Variants in NAA30 observed in about 807,000 individuals in gnomAD.
NAA30 encodes the protein N-alpha-acetyltransferase 30, NatC catalytic subunit.
Under a neutral mutation model 31.4 loss-of-function variants are expected in NAA30, and 5 were observed. The ratio of observed to expected loss-of-function variants is 0.16; its 90% CI spans 0.08 to 0.33. NAA30 has a LOEUF of 0.33. Ranked by LOEUF, NAA30 falls within the 10% of genes least tolerant of loss-of-function variation. NAA30 has a pLI of 1.00. For synonymous variants in NAA30, 222 were observed against 207.1 expected, an observed-to-expected ratio of 1.07 and a Z score of -0.62; for missense variants, 428 against 490.8, an observed-to-expected ratio of 0.87 and a Z score of 1.21.
chr14:57,391,214 G>GATT lies in NAA30; in HGVS notation c.258_260dup (p.Leu87dup). 6.2e-7 allele frequency: 1 copy of GATT among 1,612,102 alleles called. No homozygotes were observed. Among genetic ancestry groups the GATT allele is most frequent in the Non-Finnish European group, 8.5e-7 (1 of 1,179,872 alleles). ...CCGCAGGAGCAGCAGCAGCTCAACG[G>GATT]ATTGATTAGCCCCGAACTGCGGCAC... is the stretch of plus-strand genomic sequence containing the variant. On this transcript the variant is annotated inframe_insertion, in exon 2 of 5. Transcript: ENST00000556492. The surrounding 1 kb of genome is among the most constrained non-coding windows in gnomAD (Gnocchi z 4.1).
rs2139756924 is a variant in NAA30 at position 57,391,814 on chromosome 14, G to A, written c.771+86G>A. The A allele has an allele frequency of 8.1e-6, 8 of 986,062 alleles. No homozygotes were observed. Among genetic ancestry groups the A allele is most frequent in the Non-Finnish European group, 1.1e-5 (7 of 655,432 alleles). The allele number at this position is 986,062 out of a possible 1,614,324, so 61.1% of individuals were successfully genotyped here. On this transcript the variant is annotated intron_variant, in intron 2 of 4. Coordinates refer to ENST00000556492, the MANE Select transcript of NAA30 (RefSeq NM_001011713.3). This position sits in a 1 kb window ranked among gnomAD's most constrained non-coding sequence, Gnocchi z 4.1. ...GAGTGAGGGCCCAGAATGTGGCAGT[G>A]GATATCTCCTGCTGCGTATCATAGT... is the stretch of plus-strand genomic sequence containing the variant.
At position 57,391,181 on chromosome 14, in the gene NAA30, C is replaced by T; in HGVS notation, c.224C>T (p.Pro75Leu). ...AAGGGGCATCCGTGCCTCCGCTGCC[C>T]TCAGCCGCCGCAGGAGCAGCAGCAG... ...AAKGHPCLRC[P>L]QPPQEQQQLN... Residue 75 changes from proline to leucine, a missense_variant, in exon 2 of 5, where the codon CCT becomes CTT. Pro to Leu is a moderately conservative substitution (Grantham distance 98, BLOSUM62 -3). Around this residue, in one of 2 missense-constraint regions of NAA30, gnomAD observed 349 missense variants for 310.4 expected, o/e 1.12. Coordinates refer to ENST00000556492, the MANE Select transcript of NAA30 (RefSeq NM_001011713.3). This position sits in a 1 kb window ranked among gnomAD's most constrained non-coding sequence, Gnocchi z 4.1. 1 of 1,610,360 alleles carries T rather than the reference C, an allele frequency of 6.2e-7. No homozygotes were observed. Among genetic ancestry groups the T allele is most frequent in the Non-Finnish European group, 8.5e-7 (1 of 1,179,532 alleles).
At position 57,391,300 on chromosome 14, in the gene NAA30, A is replaced by G. The variant is rs780220592; in HGVS notation, c.343A>G (p.Thr115Ala). 6 of 1,610,724 alleles carry G rather than the reference A, an allele frequency of 3.7e-6. No homozygotes were observed. The South Asian group carries it at 5.5e-5, about 15-fold the overall frequency. ...VLSVAEVAAT[T>A]ATPDGGPRAT... The stretch of plus-strand genomic sequence containing the variant: ...GAGCGTAGCAGAGGTGGCCGCGACC[A>G]CAGCCACCCCTGACGGAGGCCCCAG... Residue 115 changes from threonine to alanine, a missense_variant, in exon 2 of 5, where the codon ACA becomes GCA. Around this residue, in one of 2 missense-constraint regions of NAA30, gnomAD observed 349 missense variants for 310.4 expected, o/e 1.12. Coordinates refer to ENST00000556492, the MANE Select transcript of NAA30 (RefSeq NM_001011713.3). This position sits in a 1 kb window ranked among gnomAD's most constrained non-coding sequence, Gnocchi z 4.1.
At chr14:57,394,614 T>C (rs577869722) in intron 2 of NAA30, among the ~76,000 whole-genome samples, 1 of 152,258 alleles carries the variant, frequency 6.6e-6, no homozygotes, top group African/African-American at 2.4e-5. Flanking sequence ...GTGTATGATA[T>C]ATTGGGCTTT....
At chr14:57,397,312 C>T (rs994824706) in intron 3 of NAA30, among the ~76,000 whole-genome samples, 2 of 152,158 alleles carry the variant, frequency 1.3e-5, no homozygotes, top group African/African-American at 2.4e-5. Context: ...TGCTAGTCAT[C>T]AACTATATAT....
At chr14:57,396,463 T>G (rs1256096068) in intron 2 of NAA30, among the ~76,000 whole-genome samples, 1 of 152,170 alleles carries the variant, frequency 6.6e-6, no homozygotes. Context: ...TGTAATCTTA[T>G]AAAGTACTTG....
chr14:57,394,721 T>C (rs1174725697), intron 2 of NAA30, among the ~76,000 whole-genome samples: 1 of 152,212 alleles, frequency 6.6e-6, no homozygotes, highest in Non-Finnish European at 1.5e-5. Context: ...TTTGTTTGCT[T>C]ATTCCATGCT....
chr14:57,404,282 A>G (rs2066489622), intron 4 of NAA30, among the ~76,000 whole-genome samples: 1 of 152,126 alleles, frequency 6.6e-6, no homozygotes, highest in Non-Finnish European at 1.5e-5. Context: ...AGATCGCGCC[A>G]TTGCACTCCA....
At chr14:57,396,950 TAAATG>T (rs1285790929) in intron 3 of NAA30, 75 bp downstream of exon 3, 17 of 1,408,050 alleles carry the variant, frequency 1.2e-5, no homozygotes, top group Middle Eastern at 2.2e-4. Flanking sequence ...ATAAAAGACT[TAAATG>T]TAAGTATGTA....
intron 3 of NAA30, among the ~76,000 whole-genome samples, chr14:57,399,029 T>C (rs2066462842): frequency 6.7e-6 from 1 of 150,342 alleles, no homozygotes. Context: ...GCCTGGCCAA[T>C]TTTTTGTATT....
chr14:57,390,964 G>A lies in NAA30; in HGVS notation c.7G>A (p.Glu3Lys). 2.0e-6 allele frequency: 3 copies of A among 1,478,346 alleles called. No homozygotes were observed. Among genetic ancestry groups the A allele is most frequent in the South Asian group, 1.4e-5 (1 of 69,910 alleles). The allele number at this position is 1,478,346 out of a possible 1,614,324, so 91.6% of individuals were successfully genotyped here. Residue 3 changes from glutamate (E) to lysine (K), a missense_variant, in exon 2 of 5, where the codon GAG (glutamate) becomes AAG (lysine). Coordinates refer to ENST00000556492, the MANE Select transcript of NAA30 (RefSeq NM_001011713.3). MA[E>K]VPPGPSSLLP... is the part of the protein sequence containing the mutation. ...GGTCTGTGTCGCTTCTAGGATGGCG[G>A]AGGTACCGCCTGGGCCTAGCAGCCT...
Position 57,411,630 on chromosome 14 carries a change from T to C in NAA30, c.*2114T>C, listed in dbSNP as rs892899597. Reference sequence around the variant, plus strand: ...AAAATTGCCAAATTGACTGAACTGGTTGGGTGTTTGTAAAGATGACGTTAA... The same window carrying C: ...AAAATTGCCAAATTGACTGAACTGGCTGGGTGTTTGTAAAGATGACGTTAA... On this transcript the variant is annotated 3_prime_UTR_variant, in exon 5 of 5. Transcript: ENST00000556492. 3.9e-5 allele frequency: 6 copies of C among 152,122 alleles called. No individual in the cohort carries two copies. Among genetic ancestry groups the C allele is most frequent in the Admixed American group, 6.5e-5 (1 of 15,276 alleles). 9.4% of individuals were successfully genotyped at this position (152,122 alleles called of 1,614,324 possible). A position where few individuals can be genotyped will look rare whatever the true frequency, so the allele number is the denominator to read the frequency against.
rs930503504 is a variant in NAA30, at chr14:57,411,036, G to A, written c.*1520G>A. 1.3e-5 allele frequency: 2 copies of A among 148,964 alleles called. No individual in the cohort carries two copies. The highest frequency in any genetic ancestry group is 4.9e-5 in the African/African-American group (2 of 40,602). 9.2% of individuals were successfully genotyped at this position (148,964 alleles called of 1,614,324 possible). A position where few individuals can be genotyped will look rare whatever the true frequency, so the allele number is the denominator to read the frequency against. On this transcript the variant is annotated 3_prime_UTR_variant, in exon 5 of 5. Coordinates refer to ENST00000556492, the MANE Select transcript of NAA30 (RefSeq NM_001011713.3). ...CTACCTCCATTAACAGTTGGTAAAG[G>A]CCCCTTTTCAGGAAAGTTTGTTGCT...
chr14:57,402,406 C>G (rs2066480924), intron 4 of NAA30, among the ~76,000 whole-genome samples: 1 of 152,128 alleles, frequency 6.6e-6, no homozygotes, highest in East Asian at 1.9e-4. Context: ...GATAGAGTAC[C>G]TGCTTTGTAA....
intron 4 of NAA30, among the ~76,000 whole-genome samples, chr14:57,406,081 G>A (rs2066497095): frequency 6.6e-6 from 1 of 151,882 alleles, no homozygotes; most frequent in Non-Finnish European, 1.5e-5. Context: ...CTTTATCCTG[G>A]CATTTTTCTG....
intron 4 of NAA30, among the ~76,000 whole-genome samples, chr14:57,407,062 T>G (rs2066501136): frequency 6.6e-6 from 1 of 151,994 alleles, no homozygotes; most frequent in African/African-American, 2.4e-5. Flanking sequence ...CCTGGCTAAT[T>G]TTTAAGGTTT....
chr14:57,401,998 T>G (rs886160683), intron 4 of NAA30, among the ~76,000 whole-genome samples: 1 of 152,244 alleles, frequency 6.6e-6, no homozygotes, highest in Admixed American at 6.5e-5. Flanking sequence ...TTTCTCCTTT[T>G]GTATGATTAT....
rs957720966 is a variant in NAA30, at chr14:57,391,738, T to C, written c.771+10T>C. The C allele has an allele frequency of 6.3e-7, 1 of 1,588,436 alleles. No individual in the cohort carries two copies. ...ACAGCTGTGCTTCTTGGTAAGTGGATAGAATAAAAAGAGGGTGAACCCAGC... is the reference window on the plus strand; with the variant it reads ...ACAGCTGTGCTTCTTGGTAAGTGGACAGAATAAAAAGAGGGTGAACCCAGC... On this transcript the variant is annotated intron_variant, in intron 2 of 4. Transcript: ENST00000556492. This position sits in a 1 kb window ranked among gnomAD's most constrained non-coding sequence, Gnocchi z 4.1.
chr14:57,393,372 A>T (rs984387528), intron 2 of NAA30, among the ~76,000 whole-genome samples: 5 of 152,162 alleles, frequency 3.3e-5, no homozygotes, highest in African/African-American at 1.2e-4. Flanking sequence ...TATTCTGAGT[A>T]TCTAGAATTG....
Sources: gnomAD v4.1 joint callset for allele counts (sites outside exome capture counted in the v4.1 genomes callset) on GRCh38, gnomAD v4.1.1 for gene constraint, gnomAD v4.1.1 regional missense constraint, Gnocchi (gnomAD v3.1) non-coding constraint, MANE v1.5 for transcripts, NCBI Gene and HGNC (gene_info 2026-07-23, HGNC 2026-07-21) for gene names.